Variants in LTAP1 observed in about 807,000 individuals in gnomAD.
The protein encoded by LTAP1 is lipid transport auxiliary protein 1, also known as HCV NS5A-transactivated protein 4.
At chr1:154,219,880 AT>A in the LTAP1 span, 5 of 1,613,960 alleles carry the variant, frequency 3.1e-6, no homozygotes, top group Non-Finnish European at 4.2e-6. Flanking sequence ...CCCCTTCGAG[AT>A]TTCATTGCAA....
chr1:154,215,840 CTTT>C, the LTAP1 span, among the ~76,000 whole-genome samples: 4 of 137,774 alleles, frequency 2.9e-5, no homozygotes, highest in Non-Finnish European at 3.1e-5. Flanking sequence ...CACTAACTTT[CTTT>C]TTTTTTTTTT....
chr1:154,213,859 G>A, the LTAP1 span: 1 of 1,590,400 alleles, frequency 6.3e-7, no homozygotes, highest in East Asian at 2.2e-5. Context: ...GGGCTTTCAG[G>A]ATCCTAGAAT....
chr1:154,210,045 G>C, the LTAP1 span, among the ~76,000 whole-genome samples: 1 of 151,766 alleles, frequency 6.6e-6, no homozygotes, highest in Non-Finnish European at 1.5e-5. Flanking sequence ...GTTTTTACTA[G>C]GACCTTTCAT....
the LTAP1 span, among the ~76,000 whole-genome samples, chr1:154,216,058 C>T: frequency 2.2e-4 from 34 of 152,046 alleles, 1 homozygote; most frequent in Admixed American, 9.8e-4. Flanking sequence ...AGGTTGGTCT[C>T]GATCTGCTGA....
the LTAP1 span, among the ~76,000 whole-genome samples, chr1:154,214,829 C>T: frequency 0.65 from 98,746 of 151,500 alleles, 33,231 homozygotes; most frequent in East Asian, 0.96. Context: ...CTATACAGCA[C>T]CAACATTATT....
the LTAP1 span, among the ~76,000 whole-genome samples, chr1:154,215,543 G>A: frequency 6.7e-6 from 1 of 149,230 alleles, no homozygotes; most frequent in Admixed American, 6.7e-5. Context: ...TCCAGCCTGC[G>A]TGACAGAGTG....
the LTAP1 span, among the ~76,000 whole-genome samples, chr1:154,217,980 A>T: frequency 6.6e-6 from 1 of 152,124 alleles, no homozygotes; most frequent in Non-Finnish European, 1.5e-5. Flanking sequence ...CCCATGCTGG[A>T]GTGCATCAGT....
At chr1:154,220,065 G>A in the LTAP1 span, 2 of 910,090 alleles carry the variant, frequency 2.2e-6, no homozygotes, top group African/African-American at 3.4e-5. Flanking sequence ...GTAAAACTTG[G>A]GGCAAAGCAA....
the LTAP1 span, among the ~76,000 whole-genome samples, chr1:154,215,879 C>T: frequency 1.3e-5 from 2 of 151,224 alleles, no homozygotes; most frequent in African/African-American, 4.9e-5. Flanking sequence ...GCTCTGTCGC[C>T]CAGGCTGGAG....
the LTAP1 span, among the ~76,000 whole-genome samples, chr1:154,214,735 G>A: frequency 1.7e-4 from 26 of 152,228 alleles, no homozygotes; most frequent in African/African-American, 6.3e-4. Flanking sequence ...ATTTAGGAAA[G>A]AACGGGATTG....
the LTAP1 span, chr1:154,212,702 C>T: frequency 3.2e-6 from 5 of 1,539,412 alleles, no homozygotes; most frequent in Non-Finnish European, 4.4e-6. Flanking sequence ...GCTCTGTCAC[C>T]CGGGCTGGAG....
chr1:154,207,687 A>T, the LTAP1 span: 16 of 1,510,906 alleles, frequency 1.1e-5, no homozygotes, highest in South Asian at 1.9e-4. Context: ...CAGAATGAGG[A>T]CTAATCAAAG....
the LTAP1 span, among the ~76,000 whole-genome samples, chr1:154,216,330 TA>T: frequency 1.2e-4 from 14 of 112,772 alleles, no homozygotes; most frequent in African/African-American, 3.8e-4. Flanking sequence ...GCAACTTGTT[TA>T]AAAAAAAAAT....
chr1:154,212,426 T>G, the LTAP1 span: 2 of 1,614,034 alleles, frequency 1.2e-6, no homozygotes, highest in Non-Finnish European at 8.5e-7. Context: ...CTGAGGGATC[T>G]CTTTAGTGCC....
chr1:154,207,465 C>G, the LTAP1 span: 1 of 1,613,962 alleles, frequency 6.2e-7, no homozygotes, highest in Non-Finnish European at 8.5e-7. Flanking sequence ...ACAGAGTACT[C>G]TCCAATGTGT....
the LTAP1 span, among the ~76,000 whole-genome samples, chr1:154,208,794 A>G: frequency 1.3e-5 from 2 of 152,332 alleles, no homozygotes; most frequent in East Asian, 3.9e-4. Flanking sequence ...TCTGTTGCTC[A>G]GGCTGGAGTG....
At chr1:154,209,423 GTTT>G in the LTAP1 span, among the ~76,000 whole-genome samples, 4 of 101,802 alleles carry the variant, frequency 3.9e-5, no homozygotes, top group Non-Finnish European at 3.9e-5. Flanking sequence ...GCTCTAAGCA[GTTT>G]TTTTTTTTTT....
chr1:154,211,479 G>A, the LTAP1 span, among the ~76,000 whole-genome samples: 1 of 151,088 alleles, frequency 6.6e-6, no homozygotes, highest in South Asian at 2.1e-4. Flanking sequence ...TGAGATTACA[G>A]GCACGCACCA....
At chr1:154,218,468 C>G in the LTAP1 span, among the ~76,000 whole-genome samples, 1 of 152,136 alleles carries the variant, frequency 6.6e-6, no homozygotes, top group Non-Finnish European at 1.5e-5. Context: ...GCAGGCAGGA[C>G]TGTTAAGGTT....
Sources: allele counts gnomAD v4.1 joint callset (sites outside exome capture counted in the v4.1 genomes callset), GRCh38; gene constraint gnomAD v4.1.1; transcripts MANE v1.5; gene names NCBI Gene and HGNC (gene_info 2026-07-23, HGNC 2026-07-21).